Variants in PCED1B observed in about 807,000 individuals in gnomAD.
The protein encoded by PCED1B is PC-esterase domain containing 1B.
For synonymous variants in PCED1B, 251 were observed against 246.1 expected (o/e 1.02, Z -0.19); for missense variants, 573 against 573.9 (o/e 1.00, Z 0.02).
chr12:47,195,266 T>C (rs1942568551), intron 2 of PCED1B, among the ~76,000 whole-genome samples: 1 of 151,140 alleles, frequency 6.6e-6, no homozygotes, highest in African/African-American at 2.4e-5. Context: ...AAGGCGGAGG[T>C]TGCAGTGAGC....
chr12:47,162,177 G>C (rs546988521), intron 2 of PCED1B, among the ~76,000 whole-genome samples: 1 of 151,824 alleles, frequency 6.6e-6, no homozygotes, highest in African/African-American at 2.4e-5. Context: ...TGAATTAATG[G>C]GTGCAGCACA....
rs189981844 is a variant in PCED1B, at chr12:47,121,308, C to T, written c.-526+17113C>T. Among the ~76,000 whole-genome samples the T allele has an allele frequency of 2.2e-3, 332 of 152,300 alleles. 2 individuals are homozygous for T. Among genetic ancestry groups the T allele is most frequent in the Middle Eastern group, 0.014 (4 of 294 alleles). On this transcript the variant is annotated intron_variant, in intron 2 of 3. Coordinates refer to ENST00000546455, the MANE Select transcript of PCED1B (RefSeq NM_138371.3). ...TCACTTGTTTTTGCATGGTTCCTTT[C>T]ATGGCTACAAAGTTATGAATCGTTA...
At position 47,199,905 on chromosome 12, in the gene PCED1B, A is replaced by G. The variant is rs73293898; in HGVS notation, c.-525-16317A>G. 6.5e-3 allele frequency among the ~76,000 whole-genome samples: 992 copies of G among 152,360 alleles called. 14 individuals are homozygous for G. Among genetic ancestry groups the G allele is most frequent in the African/African-American group, 0.022 (919 of 41,580 alleles). On this transcript the variant is annotated intron_variant, in intron 2 of 3. Transcript: ENST00000546455. Reference sequence around the variant, plus strand: ...ATAAAACTAAGAACTTCGGCTTGGCAAAAGATACTGTTAAGAAAATAAAAG... The same window carrying G: ...ATAAAACTAAGAACTTCGGCTTGGCGAAAGATACTGTTAAGAAAATAAAAG...
intron 1 of PCED1B, among the ~76,000 whole-genome samples, chr12:47,097,751 C>T (rs1186307009): frequency 1.3e-5 from 2 of 152,146 alleles, no homozygotes; most frequent in African/African-American, 2.4e-5. Context: ...GCACAAGGCA[C>T]GGAGTAGGTG....
At chr12:47,230,086 C>CTTTT (rs368243759) in intron 3 of PCED1B, among the ~76,000 whole-genome samples, 4 of 114,856 alleles carry the variant, frequency 3.5e-5, no homozygotes, top group Non-Finnish European at 5.2e-5. Context: ...TAATCATTTT[C>CTTTT]TTTTTTTTTT....
intron 2 of PCED1B, among the ~76,000 whole-genome samples, chr12:47,187,541 T>C (rs1466056344): frequency 6.6e-6 from 1 of 152,154 alleles, no homozygotes; most frequent in Non-Finnish European, 1.5e-5. Flanking sequence ...TCAGTGAAAG[T>C]GTAAACAGTT....
rs116285145 is a variant in PCED1B at position 47,113,629 on chromosome 12, C to T, written c.-526+9434C>T. On this transcript the variant is annotated intron_variant, in intron 2 of 3. Coordinates refer to ENST00000546455, the MANE Select transcript of PCED1B (RefSeq NM_138371.3). ...ATTTGTACTGCTTTTTAGTTTGCATCAGAAATCTGTGGGACCTGTATGCAG... is the reference window on the plus strand; with the variant it reads ...ATTTGTACTGCTTTTTAGTTTGCATTAGAAATCTGTGGGACCTGTATGCAG... 6.9e-3 allele frequency among the ~76,000 whole-genome samples: 1,057 copies of T among 152,256 alleles called. 9 individuals carry two copies. The highest frequency in any genetic ancestry group is 0.024 in the African/African-American group (1,009 of 41,548).
chr12:47,225,037 T>G (rs1943594012), intron 3 of PCED1B, among the ~76,000 whole-genome samples: 1 of 152,188 alleles, frequency 6.6e-6, no homozygotes, highest in African/African-American at 2.4e-5. Flanking sequence ...GTTCAAATGA[T>G]TCTCCTGCCT....
intron 2 of PCED1B, among the ~76,000 whole-genome samples, chr12:47,205,121 G>A (rs950705672): frequency 2.6e-5 from 4 of 152,136 alleles, no homozygotes; most frequent in Non-Finnish European, 5.9e-5. Flanking sequence ...GAGTTTTTAA[G>A]GATAATTTGA....
chr12:47,159,632 A>G (rs1420955534), intron 2 of PCED1B, among the ~76,000 whole-genome samples: 1 of 151,808 alleles, frequency 6.6e-6, no homozygotes, highest in Non-Finnish European at 1.5e-5. Flanking sequence ...TATTCTGGAT[A>G]TTAGTCCTTT....
intron 2 of PCED1B, among the ~76,000 whole-genome samples, chr12:47,120,223 G>A (rs900108985): frequency 6.6e-6 from 1 of 152,058 alleles, no homozygotes; most frequent in Non-Finnish European, 1.5e-5. Context: ...GAATCCTCCT[G>A]TGCTGCTAGT....
intron 2 of PCED1B, among the ~76,000 whole-genome samples, chr12:47,152,844 A>G (rs1460485766): frequency 6.6e-6 from 1 of 151,938 alleles, no homozygotes; most frequent in Non-Finnish European, 1.5e-5. Flanking sequence ...CTGAGGCAGA[A>G]GAATCGCTTG....
intron 1 of PCED1B, among the ~76,000 whole-genome samples, chr12:47,102,969 C>T (rs536922343): frequency 5.9e-5 from 9 of 152,148 alleles, no homozygotes; most frequent in African/African-American, 2.2e-4. Context: ...TTTAAAACCC[C>T]AATAACGTTA....
intron 2 of PCED1B, among the ~76,000 whole-genome samples, chr12:47,185,017 A>G (rs1049406360): frequency 6.6e-6 from 1 of 152,228 alleles, no homozygotes; most frequent in African/African-American, 2.4e-5. Context: ...CTTTTTCCCT[A>G]GCTTTCCTTT....
chr12:47,135,428 G>A (rs528583894), intron 2 of PCED1B: 8 of 262,978 alleles, frequency 3.0e-5, no homozygotes, highest in South Asian at 2.2e-4. Context: ...AATGGAAGGC[G>A]GAGTGCATGG....
chr12:47,120,971 G>A (rs1204333154), intron 2 of PCED1B, among the ~76,000 whole-genome samples: 3 of 152,122 alleles, frequency 2.0e-5, no homozygotes, highest in East Asian at 3.9e-4. Context: ...AGGTAGATTC[G>A]TGGCTGCCTA....
intron 1 of PCED1B, among the ~76,000 whole-genome samples, chr12:47,097,167 G>GT (rs1389712000): frequency 5.3e-5 from 8 of 152,176 alleles, no homozygotes; most frequent in Admixed American, 1.3e-4. Context: ...GACTTGAACT[G>GT]AAGTCTCCTG....
At chr12:47,092,540 A>T (rs931161717) in intron 1 of PCED1B, among the ~76,000 whole-genome samples, 1 of 151,816 alleles carries the variant, frequency 6.6e-6, no homozygotes, top group Admixed American at 6.6e-5. Context: ...CATTGGCTAG[A>T]CCTCCTTCTA....
At chr12:47,158,004 T>C (rs1252495091) in intron 2 of PCED1B, among the ~76,000 whole-genome samples, 1 of 152,250 alleles carries the variant, frequency 6.6e-6, no homozygotes, top group East Asian at 1.9e-4. Flanking sequence ...AATTTTCAAT[T>C]GTATGTATGT....
Sources: allele counts gnomAD v4.1 joint callset (sites outside exome capture counted in the v4.1 genomes callset), GRCh38; gene constraint gnomAD v4.1.1; transcripts MANE v1.5; gene names NCBI Gene and HGNC (gene_info 2026-07-23, HGNC 2026-07-21).